SUSD4: variants seen among roughly 807,000 people sequenced by gnomAD.
SUSD4 encodes the protein sushi domain containing 4.
In SUSD4, 41 loss-of-function variants were observed where a neutral mutation model predicts 50.5. The observed-to-expected ratio is 0.81, with a 90% CI of 0.63 to 1.05. The LOEUF (loss-of-function observed/expected upper bound fraction) is 1.05, where lower values mean the gene tolerates loss of function less well. Among genes scored for constraint, SUSD4 ranks in the 50% least tolerant of loss-of-function variants. The pLI is 0.00. For synonymous variants in SUSD4, 257 were observed against 257.3 expected, an observed-to-expected ratio of 1.00 and a Z score of 0.01; for missense variants, 580 against 634.7, an observed-to-expected ratio of 0.91 and a Z score of 0.93.
At chr1:223,348,104 G>GAA (rs71668467) in intron 2 of SUSD4, among the ~76,000 whole-genome samples, 3 of 142,772 alleles carry the variant, frequency 2.1e-5, no homozygotes, top group Non-Finnish European at 3.1e-5. Flanking sequence ...TATTCAAATG[G>GAA]AAAAAAAAAA....
intron 2 of SUSD4, among the ~76,000 whole-genome samples, chr1:223,304,849 T>C (rs1189788581): frequency 2.4e-5 from 2 of 83,824 alleles, no homozygotes; most frequent in Non-Finnish European, 4.5e-5. Context: ...TATATATATA[T>C]ATATATATGC....
intron 6 of SUSD4, among the ~76,000 whole-genome samples, chr1:223,228,517 G>A (rs1659677277): frequency 6.6e-6 from 1 of 151,736 alleles, no homozygotes; most frequent in Non-Finnish European, 1.5e-5. Flanking sequence ...GGAGACAGTG[G>A]GTGTGTGCTG....
At chr1:223,345,522 C>T (rs1667982058) in intron 2 of SUSD4, among the ~76,000 whole-genome samples, 1 of 152,190 alleles carries the variant, frequency 6.6e-6, no homozygotes, top group Non-Finnish European at 1.5e-5. Context: ...CTGCATCCCT[C>T]AGGGGGATCC....
At chr1:223,322,107 G>C (rs1666605770) in intron 2 of SUSD4, among the ~76,000 whole-genome samples, 1 of 151,368 alleles carries the variant, frequency 6.6e-6, no homozygotes, top group Non-Finnish European at 1.5e-5. Flanking sequence ...TTCCGGATTG[G>C]AGATGCTTAG....
At chr1:223,289,386 G>A in intron 3 of SUSD4, 2 of 828,118 alleles carry the variant, frequency 2.4e-6, no homozygotes, top group Non-Finnish European at 2.9e-6. Flanking sequence ...CTTGGAAGAA[G>A]CAAGTTGAAT....
At chr1:223,253,642 A>G (rs1661490301) in intron 5 of SUSD4, among the ~76,000 whole-genome samples, 1 of 152,126 alleles carries the variant, frequency 6.6e-6, no homozygotes, top group African/African-American at 2.4e-5. Context: ...GGCCCCTGAA[A>G]TGACTGCAGG....
At chr1:223,285,248 G>A (rs1571973985) in intron 3 of SUSD4, among the ~76,000 whole-genome samples, 1 of 152,288 alleles carries the variant, frequency 6.6e-6, no homozygotes, top group Admixed American at 6.5e-5. Flanking sequence ...TGCAGACCAG[G>A]AAGAGGGATA....
chr1:223,258,609 G>A (rs747496230), intron 5 of SUSD4, among the ~76,000 whole-genome samples: 61 of 152,210 alleles, frequency 4.0e-4, no homozygotes, highest in Middle Eastern at 6.8e-3. Context: ...CAAGGGGGTC[G>A]GGTTTACTGG....
intron 4 of SUSD4, among the ~76,000 whole-genome samples, chr1:223,266,694 A>G (rs1571923640): frequency 6.6e-6 from 1 of 152,350 alleles, no homozygotes; most frequent in Middle Eastern, 3.4e-3. Flanking sequence ...GCACTTCTAG[A>G]TAATAGAGAG....
intron 5 of SUSD4, among the ~76,000 whole-genome samples, chr1:223,236,074 C>T (rs571277826): frequency 1.1e-3 from 173 of 152,296 alleles, no homozygotes; most frequent in African/African-American, 4.0e-3. Context: ...AAGTAGTGAT[C>T]TCTCTTGTTT....
intron 2 of SUSD4, among the ~76,000 whole-genome samples, chr1:223,354,679 C>T (rs905550777): frequency 3.3e-5 from 5 of 152,208 alleles, no homozygotes; most frequent in African/African-American, 1.2e-4. Context: ...TAGATTCTAA[C>T]ATTGACACTC....
intron 5 of SUSD4, among the ~76,000 whole-genome samples, chr1:223,248,472 G>A (rs1661089562): frequency 6.6e-6 from 1 of 152,166 alleles, no homozygotes; most frequent in South Asian, 2.1e-4. Context: ...GAAGTTGCAC[G>A]GAACCCTCTG....
intron 2 of SUSD4, among the ~76,000 whole-genome samples, chr1:223,334,395 G>T (rs1667344143): frequency 2.6e-5 from 4 of 152,064 alleles, no homozygotes; most frequent in Admixed American, 2.6e-4. Flanking sequence ...CCTACTTATA[G>T]AAAATCCAGA....
intron 2 of SUSD4, among the ~76,000 whole-genome samples, chr1:223,352,997 G>T (rs896545819): frequency 6.6e-6 from 1 of 151,906 alleles, no homozygotes; most frequent in Non-Finnish European, 1.5e-5. Context: ...CAAATCACTC[G>T]CCTGCTTCAC....
At chr1:223,359,091 G>A (rs762133830) in intron 2 of SUSD4, 30 of 471,054 alleles carry the variant, frequency 6.4e-5, no homozygotes, top group African/African-American at 3.6e-4. Context: ...AGAGAGGGCC[G>A]CTGGACCAGG....
chr1:223,338,989 G>A (rs1572093588), intron 2 of SUSD4, among the ~76,000 whole-genome samples: 3 of 152,304 alleles, frequency 2.0e-5, no homozygotes, highest in East Asian at 3.9e-4. Flanking sequence ...TGGGAAGACT[G>A]TGTGGTGAGA....
chr1:223,320,097 G>A (rs1349424312), intron 2 of SUSD4, among the ~76,000 whole-genome samples: 4 of 152,196 alleles, frequency 2.6e-5, no homozygotes, highest in Admixed American at 1.3e-4. Flanking sequence ...AAGCCCTCCC[G>A]AAGCTTCCCT....
intron 8 of SUSD4, among the ~76,000 whole-genome samples, chr1:223,222,485 T>TGGTC (rs1659193925): frequency 6.6e-6 from 1 of 152,172 alleles, no homozygotes; most frequent in Non-Finnish European, 1.5e-5. Context: ...TAGGCCTTAA[T>TGGTC]GGTCACACAA....
At chr1:223,292,208 A>G (rs1664534878) in intron 3 of SUSD4, among the ~76,000 whole-genome samples, 1 of 152,234 alleles carries the variant, frequency 6.6e-6, no homozygotes, top group African/African-American at 2.4e-5. Context: ...AATGGTGATA[A>G]ATTAGATTGT....
Sources: allele counts gnomAD v4.1 joint callset (sites outside exome capture counted in the v4.1 genomes callset), GRCh38; gene constraint gnomAD v4.1.1; transcripts MANE v1.5; gene names NCBI Gene and HGNC (gene_info 2026-07-23, HGNC 2026-07-21).